The following PHF24 variants were observed in gnomAD, a reference collection of about 807,000 sequenced individuals.
PHF24 encodes the protein Galpha inhibitory interacting protein.
A neutral mutation model predicts 42.6 loss-of-function variants in PHF24; 25 were observed. The observed-to-expected ratio is 0.59, with a 90% CI of 0.43 to 0.82. PHF24 has a LOEUF of 0.82. Ranked by LOEUF, PHF24 falls within the 40% of genes least tolerant of loss-of-function variation. The pLI is 0.00. For synonymous variants in PHF24, 185 were observed against 204.8 expected, an observed-to-expected ratio of 0.90 and a Z score of 0.83; for missense variants, 470 against 538.1, an observed-to-expected ratio of 0.87 and a Z score of 1.25.
the PHF24 span, chr9:34,728,489 G>A: frequency 8.9e-6 from 8 of 902,034 alleles, no homozygotes; most frequent in African/African-American, 1.4e-4. Context: ...ATTTCAGTCT[G>A]GGGAACTGGA....
upstream of PHF24, among the ~76,000 whole-genome samples, chr9:34,956,480 G>T (rs933271337): frequency 6.6e-6 from 1 of 152,102 alleles, no homozygotes; most frequent in South Asian, 2.1e-4. Context: ...GGCTGGTCTC[G>T]ACCTCAGGTG....
the PHF24 span, among the ~76,000 whole-genome samples, chr9:34,712,150 C>T: frequency 6.6e-6 from 1 of 151,868 alleles, no homozygotes; most frequent in Non-Finnish European, 1.5e-5. Flanking sequence ...TGTCTTTTGG[C>T]CTCCCATGGT....
At chr9:34,693,053 C>T in the PHF24 span, among the ~76,000 whole-genome samples, 9 of 152,246 alleles carry the variant, frequency 5.9e-5, no homozygotes, top group South Asian at 2.1e-4. Flanking sequence ...TGCTTGCCTC[C>T]GCTTCCCAAA....
At chr9:34,788,435 G>C in the PHF24 span, among the ~76,000 whole-genome samples, 4 of 152,110 alleles carry the variant, frequency 2.6e-5, no homozygotes, top group African/African-American at 9.7e-5. Flanking sequence ...TTTCAAAATA[G>C]AACTCCCTGT....
At chr9:34,756,257 G>A in the PHF24 span, among the ~76,000 whole-genome samples, 6 of 151,274 alleles carry the variant, frequency 4.0e-5, no homozygotes, top group South Asian at 4.2e-4. Context: ...GCACCACCAC[G>A]CCTGGCTAAT....
the PHF24 span, among the ~76,000 whole-genome samples, chr9:34,836,861 G>A: frequency 2.0e-5 from 3 of 152,250 alleles, no homozygotes; most frequent in East Asian, 5.8e-4. Context: ...CAGAACTACT[G>A]TGACCCTGCC....
chr9:34,949,532 A>T, the PHF24 span, among the ~76,000 whole-genome samples: 2 of 152,226 alleles, frequency 1.3e-5, no homozygotes, highest in African/African-American at 4.8e-5. Flanking sequence ...TCATTCTACT[A>T]TAAAGACACA....
the PHF24 span, chr9:34,729,506 G>T: frequency 7.0e-7 from 1 of 1,436,560 alleles, no homozygotes; most frequent in Admixed American, 2.3e-5. Context: ...GAATCCCAGT[G>T]CTAGGCCTTG....
At chr9:34,789,048 C>G in the PHF24 span, among the ~76,000 whole-genome samples, 4 of 152,120 alleles carry the variant, frequency 2.6e-5, no homozygotes, top group Admixed American at 2.0e-4. Flanking sequence ...ATATCCAACA[C>G]CGGGCCCACG....
intron 1 of PHF24, among the ~76,000 whole-genome samples, chr9:34,962,371 C>A (rs1245947110): frequency 1.4e-5 from 2 of 145,578 alleles, no homozygotes; most frequent in Non-Finnish European, 3.0e-5. Context: ...TTTTTTTTTT[C>A]CTTATCCACT....
rs566887351 is a variant in PHF24 at position 34,976,358 on chromosome 9, G to A, written c.643+128G>A. 2.9e-5 allele frequency: 29 copies of A among 993,224 alleles called. No individual in the cohort carries two copies. In the South Asian group the frequency reaches 4.1e-4, roughly 14 times the overall value. The allele number at this position is 993,224 out of a possible 1,614,324, so 61.5% of individuals were successfully genotyped here. A position where few individuals can be genotyped will look rare whatever the true frequency, so the allele number is the denominator to read the frequency against. Reference sequence around the variant, plus strand: ...AGAGGGTAAATGAGTCCTTGTTCCTGAGTTGTTGGCCAGCAGAGTCACCTA... The same window carrying A: ...AGAGGGTAAATGAGTCCTTGTTCCTAAGTTGTTGGCCAGCAGAGTCACCTA... On this transcript the variant is annotated intron_variant, in intron 4 of 7. Coordinates refer to ENST00000242315, the Ensembl canonical transcript of PHF24.
the PHF24 span, chr9:34,834,066 G>A: frequency 2.6e-6 from 4 of 1,547,400 alleles, no homozygotes; most frequent in South Asian, 4.8e-5. Context: ...TGTTGCTGCT[G>A]ATCAAGGGCC....
At chr9:34,666,344 C>T in the PHF24 span, among the ~76,000 whole-genome samples, 1 of 152,138 alleles carries the variant, frequency 6.6e-6, no homozygotes, top group Non-Finnish European at 1.5e-5. Context: ...CTCTACCCCT[C>T]CCTGGGCTTC....
chr9:34,840,334 T>A, the PHF24 span, among the ~76,000 whole-genome samples: 1 of 151,982 alleles, frequency 6.6e-6, no homozygotes, highest in African/African-American at 2.4e-5. Context: ...AGCATAAATT[T>A]AAAAAATGAA....
At chr9:34,779,219 C>G in the PHF24 span, among the ~76,000 whole-genome samples, 1 of 150,688 alleles carries the variant, frequency 6.6e-6, no homozygotes. Context: ...TCAAGGCAAG[C>G]AGAAGGAAGA....
chr9:34,682,984 T>C, the PHF24 span, among the ~76,000 whole-genome samples: 3 of 152,092 alleles, frequency 2.0e-5, no homozygotes, highest in African/African-American at 7.2e-5. Context: ...ATTTAAAAGG[T>C]AAAAATCAAG....
the PHF24 span, among the ~76,000 whole-genome samples, chr9:34,877,280 C>CAAAAAA: frequency 2.6e-5 from 3 of 114,384 alleles, no homozygotes; most frequent in African/African-American, 3.5e-5. Context: ...GACTCTGTCT[C>CAAAAAA]AAAAAAAAAA....
the PHF24 span, among the ~76,000 whole-genome samples, chr9:34,920,506 A>C: frequency 6.6e-6 from 1 of 152,064 alleles, no homozygotes; most frequent in African/African-American, 2.4e-5. Flanking sequence ...TTCCATATGA[A>C]ATTTAAGATT....
the PHF24 span, among the ~76,000 whole-genome samples, chr9:34,875,450 T>A: frequency 1.3e-5 from 2 of 152,182 alleles, no homozygotes; most frequent in South Asian, 4.1e-4. Context: ...ATTTTTTTTA[T>A]TGAAATATGA....
Sources: gnomAD v4.1 joint callset for allele counts (sites outside exome capture counted in the v4.1 genomes callset) on GRCh38, gnomAD v4.1.1 for gene constraint, MANE v1.5 for transcripts, NCBI Gene and HGNC (gene_info 2026-07-23, HGNC 2026-07-21) for gene names.